GRXCR1: variants seen among roughly 807,000 people sequenced by gnomAD.
The protein encoded by GRXCR1 is glutaredoxin and cysteine rich domain containing 1, also known as glutaredoxin domain-containing cysteine-rich protein 1.
A neutral mutation model predicts 27.3 loss-of-function variants in GRXCR1; 27 were observed. That is an observed-to-expected ratio of 0.99 (90% CI 0.73 to 1.37). The LOEUF (loss-of-function observed/expected upper bound fraction) is 1.37, where lower values mean the gene tolerates loss of function less well. Among genes scored for constraint, GRXCR1 ranks in the 40% most tolerant of loss-of-function variants. The pLI is 0.00. For synonymous variants in GRXCR1, 122 were observed against 131.1 expected, an observed-to-expected ratio of 0.93 and a Z score of 0.47; for missense variants, 379 against 354.4, an observed-to-expected ratio of 1.07 and a Z score of -0.56.
At chr4:42,945,610 T>C (rs1560659706) in intron 1 of GRXCR1, among the ~76,000 whole-genome samples, 1 of 152,132 alleles carries the variant, frequency 6.6e-6, no homozygotes, top group Admixed American at 6.6e-5. Context: ...GGATTGTAAA[T>C]TGAGCTCTAC....
chr4:43,013,675 A>T lies in GRXCR1; in HGVS notation c.628-6679A>T, dbSNP rs146578044. ...AAAGTAAAAAATAAAAATGAAAATC[A>T]GTTTATGCAAAGAGAATCTGGGGAA... On this transcript the variant is annotated intron_variant, in intron 2 of 3. Coordinates refer to ENST00000399770, the MANE Select transcript of GRXCR1 (RefSeq NM_001080476.3). 4.4e-3 allele frequency among the ~76,000 whole-genome samples: 671 copies of T among 152,260 alleles called. 8 individuals are homozygous for T. The highest frequency in any genetic ancestry group is 0.013 in the African/African-American group (560 of 41,560).
intron 1 of GRXCR1, among the ~76,000 whole-genome samples, chr4:42,894,287 A>G (rs140361323): frequency 6.6e-6 from 1 of 152,292 alleles, no homozygotes. Flanking sequence ...AACATTTATT[A>G]CTTTAAATGT....
intron 2 of GRXCR1, among the ~76,000 whole-genome samples, chr4:43,019,980 A>G (rs1044102193): frequency 6.6e-6 from 1 of 152,126 alleles, no homozygotes; most frequent in Non-Finnish European, 1.5e-5. Context: ...TAAGGTAGAG[A>G]TAACCGAGGG....
chr4:42,992,737 A>G (rs979372673), intron 2 of GRXCR1, among the ~76,000 whole-genome samples: 4 of 152,122 alleles, frequency 2.6e-5, no homozygotes, highest in African/African-American at 9.7e-5. Flanking sequence ...CATTACATTC[A>G]GAATCCTAAG....
chr4:43,013,601 A>AACCTGC (rs1712833320), intron 2 of GRXCR1, among the ~76,000 whole-genome samples: 1 of 152,184 alleles, frequency 6.6e-6, no homozygotes, highest in Admixed American at 6.5e-5. Flanking sequence ...CCAGGTAACA[A>AACCTGC]ACCTGCACAT....
At chr4:42,913,236 C>T (rs944776456) in intron 1 of GRXCR1, among the ~76,000 whole-genome samples, 1 of 152,112 alleles carries the variant, frequency 6.6e-6, no homozygotes, top group Non-Finnish European at 1.5e-5. Flanking sequence ...GTAACAGGAA[C>T]AAGTTGGAAC....
chr4:42,897,158 A>G (rs1298729505), intron 1 of GRXCR1, among the ~76,000 whole-genome samples: 1 of 152,158 alleles, frequency 6.6e-6, no homozygotes, highest in African/African-American at 2.4e-5. Context: ...CTGTCAGTAC[A>G]CAGTTGACAT....
intron 2 of GRXCR1, among the ~76,000 whole-genome samples, chr4:42,976,953 T>C (rs190111107): frequency 1.3e-5 from 2 of 152,136 alleles, no homozygotes; most frequent in East Asian, 1.9e-4. Context: ...CTTTGACCAA[T>C]ATCTCTACAA....
intron 2 of GRXCR1, among the ~76,000 whole-genome samples, chr4:42,966,145 T>G (rs1748233135): frequency 6.6e-6 from 1 of 152,090 alleles, no homozygotes; most frequent in Non-Finnish European, 1.5e-5. Context: ...TTAAGGCAAC[T>G]GTTTCATTAT....
chr4:43,028,839 A>G, intron 3 of GRXCR1, among the ~76,000 whole-genome samples: 1 of 152,212 alleles, frequency 6.6e-6, no homozygotes, highest in Non-Finnish European at 1.5e-5. Flanking sequence ...TACATATTCA[A>G]TCTATCTTTT....
At chr4:42,987,275 TATAGAG>T (rs1711799828) in intron 2 of GRXCR1, among the ~76,000 whole-genome samples, 4 of 102,234 alleles carry the variant, frequency 3.9e-5, no homozygotes, top group Admixed American at 1.2e-4. Flanking sequence ...TATATATATA[TATAGAG>T]AGAGAGAGAG....
chr4:42,968,248 C>A (rs915626254), intron 2 of GRXCR1, among the ~76,000 whole-genome samples: 1 of 152,092 alleles, frequency 6.6e-6, no homozygotes, highest in Non-Finnish European at 1.5e-5. Flanking sequence ...CCATAGAGCT[C>A]ATCATCTATT....
At chr4:42,954,236 A>G (rs1034656362) in intron 1 of GRXCR1, among the ~76,000 whole-genome samples, 4 of 152,134 alleles carry the variant, frequency 2.6e-5, no homozygotes, top group African/African-American at 9.7e-5. Context: ...GGGGTTTCCC[A>G]TAGTGCGATG....
chr4:42,979,494 A>T (rs7664576), intron 2 of GRXCR1, among the ~76,000 whole-genome samples: 127,068 of 152,064 alleles, frequency 0.84, 53,430 homozygotes, highest in East Asian at 0.99. Context: ...CTCCTTGGGA[A>T]GAATCTCAAT....
intron 1 of GRXCR1, among the ~76,000 whole-genome samples, chr4:42,905,062 C>T (rs563055012): frequency 6.6e-6 from 1 of 152,332 alleles, no homozygotes; most frequent in South Asian, 2.1e-4. Flanking sequence ...ATCTTAGCTG[C>T]TGCCTCCAAA....
intron 3 of GRXCR1, among the ~76,000 whole-genome samples, chr4:43,030,083 G>A (rs1713372641): frequency 6.6e-6 from 1 of 152,136 alleles, no homozygotes; most frequent in Non-Finnish European, 1.5e-5. Flanking sequence ...TCATATGATG[G>A]ATTTCTTGAA....
intron 2 of GRXCR1, among the ~76,000 whole-genome samples, chr4:42,995,423 T>C (rs1712122584): frequency 6.6e-6 from 1 of 152,216 alleles, no homozygotes; most frequent in African/African-American, 2.4e-5. Flanking sequence ...TTAATATTTT[T>C]TTTGGTGGAA....
At chr4:42,977,713 TC>T (rs1448608858) in intron 2 of GRXCR1, among the ~76,000 whole-genome samples, 2 of 152,044 alleles carry the variant, frequency 1.3e-5, no homozygotes, top group African/African-American at 4.8e-5. Flanking sequence ...TCATCCCTTG[TC>T]AGATGGATAG....
At chr4:43,019,298 T>A (rs534467492) in intron 2 of GRXCR1, among the ~76,000 whole-genome samples, 2 of 152,340 alleles carry the variant, frequency 1.3e-5, no homozygotes, top group South Asian at 4.1e-4. Context: ...AAAATACACT[T>A]TTACATAAAT....
Sources: allele counts gnomAD v4.1 joint callset (sites outside exome capture counted in the v4.1 genomes callset), GRCh38; gene constraint gnomAD v4.1.1; transcripts MANE v1.5; gene names NCBI Gene and HGNC (gene_info 2026-07-23, HGNC 2026-07-21).